NIPSNAP1: variants seen among roughly 807,000 people sequenced by gnomAD.
NIPSNAP1 encodes nipsnap homolog 1, also known as protein NipSnap homolog 1.
In NIPSNAP1, 25 loss-of-function variants were observed where a neutral mutation model predicts 49.2. That is an observed-to-expected ratio of 0.51 (90% CI 0.37 to 0.71). The LOEUF (loss-of-function observed/expected upper bound fraction) is 0.71. Ranked by LOEUF, NIPSNAP1 falls within the 30% of genes least tolerant of loss-of-function variation. The pLI is 0.00. For synonymous variants in NIPSNAP1, 143 were observed against 140.7 expected, an observed-to-expected ratio of 1.02 and a Z score of -0.12; for missense variants, 294 against 361.0, an observed-to-expected ratio of 0.81 and a Z score of 1.50.
At chr22:29,570,693 C>T (rs966249263) in intron 1 of NIPSNAP1, among the ~76,000 whole-genome samples, 161 bp from the exon 2 acceptor site, 3 of 152,228 alleles carry the variant, frequency 2.0e-5, no homozygotes, top group Admixed American at 1.3e-4. Context: ...CTATTGGAGC[C>T]AGCTCCTTTC....
At chr22:29,573,950 A>AAAACG (rs2064429939) in intron 1 of NIPSNAP1, among the ~76,000 whole-genome samples, 1 of 151,204 alleles carries the variant, frequency 6.6e-6, no homozygotes, top group South Asian at 2.1e-4. Context: ...AAAACAAAAC[A>AAAACG]AAACAAAACA....
chr22:29,577,131 C>G (rs553855533), intron 1 of NIPSNAP1, among the ~76,000 whole-genome samples: 1 of 151,102 alleles, frequency 6.6e-6, no homozygotes, highest in African/African-American at 2.5e-5. Context: ...CTCTGTCACC[C>G]AGGCTGGAGT....
intron 8 of NIPSNAP1, among the ~76,000 whole-genome samples, chr22:29,560,082 G>A (rs1047031509): frequency 3.3e-5 from 5 of 152,198 alleles, no homozygotes; most frequent in South Asian, 2.1e-4. Flanking sequence ...CTTTGCATGT[G>A]CTGCTCTGTC....
chr22:29,580,116 C>T (rs1212617573), intron 1 of NIPSNAP1: 1 of 1,304,168 alleles, frequency 7.7e-7, no homozygotes, highest in South Asian at 1.2e-5. Flanking sequence ...GTAAATATTC[C>T]TTGACCATAC....
chr22:29,577,645 C>T (rs695816), intron 1 of NIPSNAP1, among the ~76,000 whole-genome samples: 32,160 of 151,076 alleles, frequency 0.21, 4,258 homozygotes, highest in East Asian at 0.59. Flanking sequence ...AACTCCTGAC[C>T]TCAGGTGATC....
intron 6 of NIPSNAP1, 150 bp downstream of exon 6, chr22:29,561,356 T>G: frequency 7.1e-7 from 1 of 1,415,602 alleles, no homozygotes; most frequent in Non-Finnish European, 9.9e-7. Context: ...ACACCTGGTG[T>G]GCATGTTTGC....
chr22:29,560,925 G>A (rs779164495), intron 7 of NIPSNAP1, 97 bp from the exon 8 acceptor site: 12 of 1,163,056 alleles, frequency 1.0e-5, no homozygotes, highest in Non-Finnish European at 1.4e-5. Context: ...GGGCCTAGGT[G>A]GAACCCACGG....
At chr22:29,578,105 C>T (rs1189627745) in intron 1 of NIPSNAP1, among the ~76,000 whole-genome samples, 1 of 150,818 alleles carries the variant, frequency 6.6e-6, no homozygotes, top group Non-Finnish European at 1.5e-5. Context: ...ACCATGTTGG[C>T]CAGGCTGGTC....
intron 9 of NIPSNAP1, among the ~76,000 whole-genome samples, chr22:29,556,580 G>C (rs1216169369): frequency 2.0e-5 from 3 of 152,138 alleles, no homozygotes; most frequent in African/African-American, 7.2e-5. Context: ...TTTACAGATA[G>C]AGAGGGTGCA....
At chr22:29,572,567 G>A (rs1316798453) in intron 1 of NIPSNAP1, among the ~76,000 whole-genome samples, 1 of 151,968 alleles carries the variant, frequency 6.6e-6, no homozygotes, top group Non-Finnish European at 1.5e-5. Flanking sequence ...CCAGCACTTT[G>A]GGAGGCTGAG....
rs1191335091 is a variant in NIPSNAP1 at position 29,581,009 on chromosome 22, T to G, written c.74A>C (p.Asp25Ala). ...LLGGPGPRAGDVASAAAARFY... is the reference protein window; with the variant it reads ...LLGGPGPRAGAVASAAAARFY... ...CCGCGCCGCAGCTGCAGACGCAACGTCCCCAGCGCGAGGCCCCGGGCCCCC... is the reference window on the plus strand; with the variant it reads ...CCGCGCCGCAGCTGCAGACGCAACGGCCCCAGCGCGAGGCCCCGGGCCCCC... Residue 25 changes from aspartate to alanine, a missense_variant, in exon 1 of 10, where the codon GAC becomes GCC. Physicochemically the swap from Asp to Ala is moderately radical, Grantham distance 126. This residue lies in a region of NIPSNAP1 where 88 missense variants were observed against 76.1 expected (regional missense o/e 1.16). Transcript: ENST00000216121. 6.5e-7 allele frequency: 1 copy of G among 1,533,846 alleles called. No individual in the cohort carries two copies. The highest frequency in any genetic ancestry group is 8.7e-7 in the Non-Finnish European group (1 of 1,144,614).
At chr22:29,560,684 T>C (rs371571856) in intron 8 of NIPSNAP1, 50 bp downstream of exon 8, 4 of 1,451,090 alleles carry the variant, frequency 2.8e-6, no homozygotes, top group African/African-American at 1.4e-5. Context: ...CAGAGAGTGA[T>C]GACAGAGAAA....
intron 4 of NIPSNAP1, among the ~76,000 whole-genome samples, chr22:29,563,333 C>T (rs1393304392): frequency 1.3e-5 from 2 of 151,742 alleles, no homozygotes; most frequent in East Asian, 3.9e-4. Context: ...AATTTGAGAC[C>T]AGCCTCACCA....
At chr22:29,580,373 G>A in intron 1 of NIPSNAP1, 1 of 661,782 alleles carries the variant, frequency 1.5e-6, no homozygotes, top group Non-Finnish European at 1.9e-6. Context: ...ACATGGCCCA[G>A]CCAGACTCCC....
At chr22:29,570,373 G>A (rs892451223) in intron 2 of NIPSNAP1, 32 bp downstream of exon 2, 3 of 1,613,732 alleles carry the variant, frequency 1.9e-6, no homozygotes, top group Non-Finnish European at 2.5e-6. Context: ...CCCCTGAAAG[G>A]GCAGAAATTG....
chr22:29,574,671 C>T (rs567272851), intron 1 of NIPSNAP1, among the ~76,000 whole-genome samples: 84 of 150,578 alleles, frequency 5.6e-4, no homozygotes, highest in Non-Finnish European at 6.5e-4. Flanking sequence ...CCCAGCTACT[C>T]GGGAGGCTGA....
intron 1 of NIPSNAP1, among the ~76,000 whole-genome samples, chr22:29,579,134 G>C (rs2064477375): frequency 6.6e-6 from 1 of 150,626 alleles, no homozygotes; most frequent in Admixed American, 6.6e-5. Flanking sequence ...GTGCAGTAGC[G>C]TGATCTCGGC....
chr22:29,561,049 G>A (rs2064331841), intron 7 of NIPSNAP1, 122 bp downstream of exon 7: 3 of 1,027,332 alleles, frequency 2.9e-6, no homozygotes, highest in African/African-American at 3.2e-5. Flanking sequence ...AGATCCATGA[G>A]GGGCAGAAGG....
At chr22:29,569,926 T>C (rs561275252) in intron 3 of NIPSNAP1, 120 of 522,074 alleles carry the variant, frequency 2.3e-4, no homozygotes, top group Middle Eastern at 5.3e-4. Context: ...GAGGCAGAGG[T>C]TGCAGTGAGC....
Sources: gnomAD v4.1 joint callset for allele counts (sites outside exome capture counted in the v4.1 genomes callset) on GRCh38, gnomAD v4.1.1 for gene constraint, gnomAD v4.1.1 regional missense constraint, MANE v1.5 for transcripts, NCBI Gene and HGNC (gene_info 2026-07-23, HGNC 2026-07-21) for gene names.